HECTD2: variants seen among roughly 807,000 people sequenced by gnomAD.
The protein encoded by HECTD2 is probable E3 ubiquitin-protein ligase HECTD2.
A neutral mutation model predicts 103.2 loss-of-function variants in HECTD2; 35 were observed. That is an observed-to-expected ratio of 0.34 (90% CI 0.26 to 0.45). HECTD2 has a LOEUF of 0.45. Ranked by LOEUF, HECTD2 falls within the 20% of genes least tolerant of loss-of-function variation. The pLI is 1.00. For missense variants in HECTD2, 596 were observed against 937.4 expected, an observed-to-expected ratio of 0.64 and a Z score of 4.76; for synonymous variants, 281 against 329.9, an observed-to-expected ratio of 0.85 and a Z score of 1.61.
At chr10:91,470,447 A>G (rs1332686151) in intron 5 of HECTD2, among the ~76,000 whole-genome samples, 2 of 152,216 alleles carry the variant, frequency 1.3e-5, no homozygotes, top group East Asian at 3.8e-4. Flanking sequence ...CTGCTGCTGA[A>G]TGACTTTTGG....
intron 14 of HECTD2, among the ~76,000 whole-genome samples, chr10:91,495,123 A>G (rs1846620590): frequency 6.6e-6 from 1 of 152,044 alleles, no homozygotes; most frequent in Non-Finnish European, 1.5e-5. Flanking sequence ...TATAAAACCT[A>G]TAGAAAGCTA....
Position 91,410,497 on chromosome 10 carries a change from C to A in HECTD2, c.59C>A (p.Ala20Glu), listed in dbSNP as rs770510683. 4.8e-6 allele frequency: 7 copies of A among 1,470,470 alleles called. No individual in the cohort carries two copies. The highest frequency in any genetic ancestry group is 6.3e-6 in the Non-Finnish European group (7 of 1,114,604). The allele number at this position is 1,470,470 out of a possible 1,614,324, so 91.1% of individuals were successfully genotyped here. A position where few individuals can be genotyped will look rare whatever the true frequency, so the allele number is the denominator to read the frequency against. Residue 20 changes from alanine (A) to glutamate (E), a missense_variant, in exon 1 of 21, where the codon GCG becomes GAG. Ala to Glu is a moderately radical substitution (Grantham distance 107). This residue lies in a region of HECTD2 where 220 missense variants were observed against 233.9 expected (regional missense o/e 0.94). Coordinates refer to ENST00000298068, the MANE Select transcript of HECTD2 (RefSeq NM_182765.6). ...PATPLVVAAP[A>E]PEERKGKESE... ...ACTCCGCTGGTGGTGGCGGCGCCCGCGCCTGAGGAGAGGAAAGGGAAGGAG... is the reference window on the plus strand; with the variant it reads ...ACTCCGCTGGTGGTGGCGGCGCCCGAGCCTGAGGAGAGGAAAGGGAAGGAG...
At position 91,487,456 on chromosome 10, in the gene HECTD2, T is replaced by C. The variant is rs1403834900; in HGVS notation, c.1095-226T>C. ...GTTAGCACACATTCAGAACCTTTGA[T>C]GTAGCTTCTGCAGAGAATAAAGGCA... On this transcript the variant is annotated intron_variant, in intron 10 of 20. Coordinates refer to ENST00000298068, the MANE Select transcript of HECTD2 (RefSeq NM_182765.6). This position sits in a 1 kb window ranked among gnomAD's most constrained non-coding sequence, Gnocchi z 4.1. 2 of 525,214 alleles carry C rather than the reference T, an allele frequency of 3.8e-6. No individual in the cohort carries two copies. Among genetic ancestry groups the C allele is most frequent in the East Asian group, 7.3e-5 (2 of 27,558 alleles). 32.5% of individuals were successfully genotyped at this position (525,214 alleles called of 1,614,324 possible). A position where few individuals can be genotyped will look rare whatever the true frequency, so the allele number is the denominator to read the frequency against.
chr10:91,502,094 A>G (rs1006974766), intron 20 of HECTD2, among the ~76,000 whole-genome samples: 1 of 152,042 alleles, frequency 6.6e-6, no homozygotes, highest in Non-Finnish European at 1.5e-5. Context: ...ATTTTATCCT[A>G]TTAAACTCAT....
chr10:91,498,087 T>C (rs1320688420), intron 15 of HECTD2, 21 bp from the exon 16 acceptor site: 1 of 1,554,400 alleles, frequency 6.4e-7, no homozygotes, highest in Non-Finnish European at 8.9e-7. Context: ...GAAAAAATCA[T>C]TAACAGATTT....
intron 1 of HECTD2, among the ~76,000 whole-genome samples, chr10:91,423,649 G>T (rs1441800997): frequency 6.6e-6 from 1 of 152,078 alleles, no homozygotes; most frequent in African/African-American, 2.4e-5. Flanking sequence ...TTTCCTTTCT[G>T]TGAAATGAAG....
At chr10:91,461,600 A>G (rs1238158817) in intron 4 of HECTD2, among the ~76,000 whole-genome samples, 7 of 152,098 alleles carry the variant, frequency 4.6e-5, no homozygotes, top group African/African-American at 1.7e-4. Context: ...CCAGGCTAGA[A>G]TGCAGTGGTG....
At chr10:91,444,639 T>C (rs1844516500) in intron 2 of HECTD2, among the ~76,000 whole-genome samples, 1 of 152,174 alleles carries the variant, frequency 6.6e-6, no homozygotes, top group African/African-American at 2.4e-5. Flanking sequence ...TATCAAGGCA[T>C]TGTTTCCAGA....
At chr10:91,490,719 G>A (rs1483592384) in intron 11 of HECTD2, among the ~76,000 whole-genome samples, 12 of 150,712 alleles carry the variant, frequency 8.0e-5, no homozygotes, top group Non-Finnish European at 1.3e-4. Context: ...GTGAAACCCC[G>A]TCTCTACTAA....
At chr10:91,509,738 A>G (rs1847348445) in intron 20 of HECTD2, among the ~76,000 whole-genome samples, 1 of 152,184 alleles carries the variant, frequency 6.6e-6, no homozygotes, top group South Asian at 2.1e-4. Context: ...GTACATGTGA[A>G]CACAAGGAAG....
intron 11 of HECTD2, chr10:91,489,966 TTAGA>T (rs1415757202): frequency 6.6e-6 from 1 of 152,216 alleles, no homozygotes; most frequent in African/African-American, 2.4e-5. Flanking sequence ...TAAAGACTAT[TTAGA>T]TAAATATATA....
intron 5 of HECTD2, among the ~76,000 whole-genome samples, chr10:91,468,460 C>G (rs1845609184): frequency 1.3e-5 from 2 of 152,156 alleles, no homozygotes; most frequent in South Asian, 4.1e-4. Context: ...TCAACTCACT[C>G]AGATGAGAAA....
At chr10:91,498,755 G>A in intron 16 of HECTD2, 117 bp from the exon 17 acceptor site, 1 of 620,304 alleles carries the variant, frequency 1.6e-6, no homozygotes, top group Middle Eastern at 4.4e-4. Context: ...GCCTTTTATA[G>A]TTTATGTGTT....
chr10:91,496,873 A>G (rs1399766569), intron 15 of HECTD2, among the ~76,000 whole-genome samples: 2 of 151,902 alleles, frequency 1.3e-5, no homozygotes, highest in Non-Finnish European at 2.9e-5. Flanking sequence ...TAAAAATTAA[A>G]TTGAAAATTT....
At chr10:91,463,488 C>G (rs1158017945) in intron 5 of HECTD2, 1 of 152,070 alleles carries the variant, frequency 6.6e-6, no homozygotes, top group Non-Finnish European at 1.5e-5. Flanking sequence ...TATATTCATC[C>G]ATTAATTCTA....
intron 2 of HECTD2, among the ~76,000 whole-genome samples, chr10:91,427,623 T>G (rs1014017697): frequency 1.3e-5 from 2 of 152,208 alleles, no homozygotes; most frequent in African/African-American, 4.8e-5. Flanking sequence ...TTTTCATGTG[T>G]TTTTTGGCAG....
intron 1 of HECTD2, among the ~76,000 whole-genome samples, chr10:91,412,661 T>C (rs1192314829): frequency 9.4e-6 from 1 of 106,396 alleles, no homozygotes; most frequent in African/African-American, 3.3e-5. Context: ...ACAGGATCTG[T>C]GGCAGAATGT....
chr10:91,486,100 G>A (rs1846257123), intron 10 of HECTD2: 1 of 152,094 alleles, frequency 6.6e-6, no homozygotes, highest in African/African-American at 2.4e-5. Context: ...AGGAATCTGA[G>A]TAAAGAGATA....
At chr10:91,460,612 G>A (rs772030060) in intron 3 of HECTD2, 47 bp downstream of exon 3, 2 of 1,527,294 alleles carry the variant, frequency 1.3e-6, no homozygotes, top group Middle Eastern at 1.7e-4. Context: ...CTGCATGTCA[G>A]CACTTTACAT....
Sources: gnomAD v4.1 joint callset for allele counts (sites outside exome capture counted in the v4.1 genomes callset) on GRCh38, gnomAD v4.1.1 for gene constraint, gnomAD v4.1.1 regional missense constraint, Gnocchi (gnomAD v3.1) non-coding constraint, MANE v1.5 for transcripts, NCBI Gene and HGNC (gene_info 2026-07-23, HGNC 2026-07-21) for gene names.